The following NAPRT variants were observed in gnomAD, a reference collection of about 807,000 sequenced individuals.
NAPRT encodes the protein FHA-HIT-interacting protein.
NAPRT carries 66 observed loss-of-function variants against 60.7 expected under a neutral mutation model. That is an observed-to-expected ratio of 1.09 (90% CI 0.89 to 1.33). The LOEUF (loss-of-function observed/expected upper bound fraction) is 1.33, where lower values mean the gene tolerates loss of function less well. NAPRT is among the 40% of genes most tolerant of loss of function. The probability of loss-of-function intolerance (pLI) is 0.00; values close to 1 mark genes in which losing one functional copy is unlikely to be tolerated. For missense variants in NAPRT, 818 were observed against 731.5 expected (o/e 1.12, Z -1.36); for synonymous variants, 405 against 335.7 (o/e 1.21, Z -2.26).
intron 5 of NAPRT, 88 bp downstream of exon 5, chr8:143,576,974 C>G (rs917662395): frequency 1.3e-6 from 2 of 1,523,154 alleles, no homozygotes; most frequent in African/African-American, 2.7e-5. Context: ...ACTGGGGTGA[C>G]CTGCCTGGGT....
rs374205789 is a variant in NAPRT at position 143,576,725 on chromosome 8, C to T, written c.802G>A (p.Glu268Lys). The change falls in exon 6 of 13, where the codon GAG (glutamate) becomes AAG (lysine). Residue 268 changes from glutamate (E) to lysine (K), a missense_variant. Glu to Lys is a moderately conservative substitution (Grantham distance 56, BLOSUM62 1). Transcript: ENST00000449291. ...GCATAGGCCACAAAGGCTGCCCGCT[C>T]GCCTGGATGCGGCTCCTGCACCCCC... Reference protein sequence around the residue: ...GLGVQEPHPGERAAFVAYALA... With the variant: ...GLGVQEPHPGKRAAFVAYALA... The T allele has an allele frequency of 4.3e-5, 69 of 1,608,592 alleles. No homozygotes were observed. The highest frequency in any genetic ancestry group is 1.5e-4 in the Admixed American group (9 of 59,748).
Position 143,575,278 on chromosome 8 carries a change from C to T in NAPRT, c.1359G>A (p.Arg453=), listed in dbSNP as rs140376010. 9.2e-5 allele frequency: 149 copies of T among 1,612,642 alleles called. 1 individual carries two copies. In the African/African-American group the frequency reaches 1.7e-3, roughly 19 times the overall value. ...GCTCCTGGGCCCCTGGAGGCCACACCCTCAGCTCCTGCCCAGCCTGTGGCA... is the reference window on the plus strand; with the variant it reads ...GCTCCTGGGCCCCTGGAGGCCACACTCTCAGCTCCTGCCCAGCCTGTGGCA... ...EPVPQAGQEL[R]VWPPGAQEPC... is the part of the protein sequence containing the mutation. The change falls in exon 11 of 13, where the codon AGG becomes AGA. Residue 453 remains arginine (R), a synonymous_variant. Transcript: ENST00000449291.
chr8:143,577,445 G>T, intron 3 of NAPRT, 46 bp from the exon 4 acceptor site: 3 of 1,571,204 alleles, frequency 1.9e-6, no homozygotes, highest in Non-Finnish European at 2.6e-6. Flanking sequence ...AGGATCACTA[G>T]GCCACCCAAG....
chr8:143,576,036 A>G, intron 8 of NAPRT, 42 bp downstream of exon 8: 3 of 1,490,126 alleles, frequency 2.0e-6, no homozygotes, highest in Non-Finnish European at 2.7e-6. Flanking sequence ...GGGCCCCCAG[A>G]GCCCCCCAGC....
At position 143,577,173 on chromosome 8, in the gene NAPRT, G is replaced by C. The variant is rs376938314; in HGVS notation, c.573C>G (p.Phe191Leu). The C allele has an allele frequency of 1.6e-4, 255 of 1,611,370 alleles. No individual in the cohort carries two copies. The highest frequency in any genetic ancestry group is 2.2e-4 in the Non-Finnish European group (254 of 1,178,950). The change falls in exon 5 of 13, where the codon TTC becomes TTG. Residue 191 changes from phenylalanine to leucine, a missense_variant. Transcript: ENST00000449291. Reference protein sequence around the residue: ...TASTYSYLGGFDSSSNVLAGQ... With the variant: ...TASTYSYLGGLDSSSNVLAGQ... Reference sequence around the variant, plus strand: ...CCGCTAGCACGTTGCTGCTGCTGTCGAAGCCTGGGGAGGAAGGCGGTGGGA... The same window carrying C: ...CCGCTAGCACGTTGCTGCTGCTGTCCAAGCCTGGGGAGGAAGGCGGTGGGA...
At chr8:143,576,242 C>A in intron 7 of NAPRT, 80 bp from the exon 8 acceptor site, 1 of 1,431,704 alleles carries the variant, frequency 7.0e-7, no homozygotes, top group East Asian at 2.4e-5. Flanking sequence ...GCTCCCCGCC[C>A]CGCCTCAGTC....
intron 3 of NAPRT, 111 bp from the exon 4 acceptor site, chr8:143,577,510 G>A: frequency 6.9e-7 from 1 of 1,458,076 alleles, no homozygotes; most frequent in South Asian, 1.3e-5. Context: ...CCCTCACCCA[G>A]CCCCTCCTTA....
At chr8:143,577,589 C>T in intron 3 of NAPRT, 68 bp downstream of exon 3, 1 of 1,521,670 alleles carries the variant, frequency 6.6e-7, no homozygotes, top group South Asian at 1.2e-5. Flanking sequence ...CGCCACAGTC[C>T]AGCACGGAGC....
In NAPRT at chr8:143,575,710, G is replaced by A. The variant is rs370919058; in HGVS notation, c.1108-8C>T. The A allele has an allele frequency of 2.6e-6, 4 of 1,566,338 alleles. No individual in the cohort carries two copies. The highest frequency in any genetic ancestry group is 8.6e-7 in the Non-Finnish European group (1 of 1,156,126). The stretch of plus-strand genomic sequence containing the variant: ...GACATTCACCTCACTGCCCTGGGTG[G>A]GGAAGGGGGTGGCCGTGAGCCCAGC... On this transcript the variant is annotated splice_polypyrimidine_tract_variant and splice_region_variant and intron_variant, in intron 8 of 12. Coordinates refer to ENST00000449291, the MANE Select transcript of NAPRT (RefSeq NM_145201.6).
At chr8:143,574,524 C>G (rs911943306), downstream of NAPRT, 5 of 552,988 alleles carry the variant, frequency 9.0e-6, no homozygotes, top group Admixed American at 3.2e-5. Flanking sequence ...AAGGCAGACA[C>G]CAAAGCCCTC....
At position 143,575,510 on chromosome 8, in the gene NAPRT, C is replaced by A. The variant is rs765359890; in HGVS notation, c.1204G>T (p.Gly402Cys). ...TCGGTCAGCTTCATTCGTGGCTGGC[C>A]CCCCACGGCCACCAGCTGCAGGAAG... ...GGVYKLVAVG[G>C]QPRMKLTEDP... Residue 402 changes from glycine (G) to cysteine (C), a missense_variant, in exon 10 of 13, where the codon GGC becomes TGC. Gly to Cys is a radical substitution (Grantham distance 159). Transcript: ENST00000449291. 8.8e-6 allele frequency: 14 copies of A among 1,598,308 alleles called. No homozygotes were observed. The highest frequency in any genetic ancestry group is 1.1e-5 in the Non-Finnish European group (13 of 1,167,972).
At chr8:143,576,406 GC>G in intron 7 of NAPRT, 25 bp downstream of exon 7, 2 of 1,584,888 alleles carry the variant, frequency 1.3e-6, no homozygotes, top group Non-Finnish European at 1.7e-6. Context: ...CTCCCACCAG[GC>G]ACACCTCCTC....
intron 7 of NAPRT, 38 bp from the exon 8 acceptor site, chr8:143,576,200 C>A: frequency 6.5e-7 from 1 of 1,534,508 alleles, no homozygotes; most frequent in Non-Finnish European, 8.8e-7. Context: ...GGCCACCCCT[C>A]GGGTCTTCCT....
At chr8:143,573,195 C>G (rs1202891781), downstream of NAPRT, among the ~76,000 whole-genome samples, 2 of 151,580 alleles carry the variant, frequency 1.3e-5, no homozygotes, top group East Asian at 3.9e-4. Context: ...GGCCCCGCCC[C>G]CTGCACGCTG....
In NAPRT at chr8:143,576,545, G is replaced by A. The variant is rs372550845; in HGVS notation, c.909C>T (p.Val303=). ...AGCCCAGCTCTCCCAGGGCCAGGGC[G>A]ACTGCTAGGAAGTTGGGGAGACCAC... The part of the protein sequence containing the change: ...WRSGLPNFLA[V]ALALGELGYR... The change falls in exon 7 of 13, where the codon GTC becomes GTT. Residue 303 remains valine (V), a synonymous_variant. Coordinates refer to ENST00000449291, the MANE Select transcript of NAPRT (RefSeq NM_145201.6). The A allele has an allele frequency of 9.9e-6, 16 of 1,611,528 alleles. No homozygotes were observed. Among genetic ancestry groups the A allele is most frequent in the South Asian group, 6.6e-5 (6 of 90,924 alleles).
Position 143,576,095 on chromosome 8 carries a change from C to G in NAPRT, c.1090G>C (p.Ala364Pro). 6.2e-7 allele frequency: 1 copy of G among 1,602,238 alleles called. No individual in the cohort carries two copies. Among genetic ancestry groups the G allele is most frequent in the Non-Finnish European group, 8.5e-7 (1 of 1,172,598 alleles). ...CACCCCACCTCCTGGGCCAGTCGGGCCAGCGCCTCCTCGTCAATGTTGTTG... is the reference window on the plus strand; with the variant it reads ...CACCCCACCTCCTGGGCCAGTCGGGGCAGCGCCTCCTCGTCAATGTTGTTG... ...VSNNIDEEAL[A>P]RLAQEGSEVN... Residue 364 changes from alanine (A) to proline (P), a missense_variant, in exon 8 of 13, where the codon GCC (alanine) becomes CCC (proline). Coordinates refer to ENST00000449291, the MANE Select transcript of NAPRT (RefSeq NM_145201.6).
At chr8:143,577,508 C>A in intron 3 of NAPRT, 109 bp from the exon 4 acceptor site, 1 of 1,461,752 alleles carries the variant, frequency 6.8e-7, no homozygotes, top group Non-Finnish European at 9.2e-7. Flanking sequence ...CACCCTCACC[C>A]AGCCCCTCCT....
At position 143,578,244 on chromosome 8, in the gene NAPRT, C is replaced by T; in HGVS notation, c.75G>A (p.Met25Ile). The stretch of plus-strand genomic sequence containing the variant: ...GGCCCGCGCGCCAATAGCCCAACGC[C>T]ATGGTGGCCTGGTAGAGGTCAGTGA... ...PLLTDLYQAT[M>I]ALGYWRAGRA... is the part of the protein sequence containing the mutation. The change falls in exon 1 of 13, where the codon ATG becomes ATA. Residue 25 changes from methionine to isoleucine, a missense_variant. Met to Ile is a conservative substitution (Grantham distance 10). Transcript: ENST00000449291. 8.7e-6 allele frequency: 13 copies of T among 1,497,164 alleles called. No individual in the cohort carries two copies. Among genetic ancestry groups the T allele is most frequent in the South Asian group, 1.3e-5 (1 of 79,332 alleles). The allele number at this position is 1,497,164 out of a possible 1,614,324, so 92.7% of individuals were successfully genotyped here.
chr8:143,574,561 G>A, downstream of NAPRT: 2 of 589,120 alleles, frequency 3.4e-6, no homozygotes, highest in Non-Finnish European at 6.1e-6. Flanking sequence ...TAGTTCTAGT[G>A]TGGGATCTGA....
Sources: gnomAD v4.1 joint callset for allele counts (sites outside exome capture counted in the v4.1 genomes callset) on GRCh38, gnomAD v4.1.1 for gene constraint, MANE v1.5 for transcripts, NCBI Gene and HGNC (gene_info 2026-07-23, HGNC 2026-07-21) for gene names.